Variants in TGM4 observed in about 807,000 individuals in gnomAD.
TGM4 encodes transglutaminase 4, also known as protein-glutamine gamma-glutamyltransferase 4.
A neutral mutation model predicts 76.3 loss-of-function variants in TGM4; 61 were observed. The observed-to-expected ratio is 0.80, with a 90% CI of 0.65 to 0.99. The LOEUF (loss-of-function observed/expected upper bound fraction) is 0.99. Ranked by LOEUF, TGM4 falls within the 50% of genes least tolerant of loss-of-function variation. The probability of loss-of-function intolerance (pLI) is 0.00; values close to 1 mark genes in which losing one functional copy is unlikely to be tolerated. For synonymous variants in TGM4, 337 were observed against 329.8 expected (o/e 1.02, Z -0.24); for missense variants, 794 against 843.2 (o/e 0.94, Z 0.72).
rs760284832 is a variant in TGM4, at chr3:44,901,859, G to A, written c.899G>A (p.Arg300Lys). Residue 300 changes from arginine (R) to lysine (K), a missense_variant, in exon 8 of 14, where the codon AGG becomes AAG. Coordinates refer to ENST00000296125, the MANE Select transcript of TGM4 (RefSeq NM_003241.4). ...TGFDSAHDTERNLTVDTYVNE... is the reference protein window; with the variant it reads ...TGFDSAHDTEKNLTVDTYVNE... ...TTCGATTCAGCTCACGACACAGAAA[G>A]GAACCTCACGGTGGACACCTATGTG... The A allele has an allele frequency of 1.2e-6, 2 of 1,614,216 alleles. No individual in the cohort carries two copies. The highest frequency in any genetic ancestry group is 1.7e-6 in the Non-Finnish European group (2 of 1,180,042).
intron 3 of TGM4, chr3:44,888,671 T>C (rs1489688446): frequency 6.6e-6 from 1 of 152,198 alleles, no homozygotes; most frequent in African/African-American, 2.4e-5. Context: ...TTTTTTTTAA[T>C]TGACATATAA....
chr3:44,913,986 A>C lies in TGM4; in HGVS notation c.*261A>C. On this transcript the variant is annotated 3_prime_UTR_variant, in exon 14 of 14. Transcript: ENST00000296125. ...CCCTTTCCTGAGTCATGGCCTCAAA[A>C]ATCAGGGCCACCATTGTCTCAATTC... is the stretch of plus-strand genomic sequence containing the variant. 1 of 385,234 alleles carries C rather than the reference A, an allele frequency of 2.6e-6. No homozygotes were observed. The highest frequency in any genetic ancestry group is 4.6e-5 in the South Asian group (1 of 21,794). The allele number at this position is 385,234 out of a possible 1,614,324, so 23.9% of individuals were successfully genotyped here. A position where few individuals can be genotyped will look rare whatever the true frequency, so the allele number is the denominator to read the frequency against.
At chr3:44,883,678 G>T (rs139498503) in intron 1 of TGM4, among the ~76,000 whole-genome samples, 2 of 152,310 alleles carry the variant, frequency 1.3e-5, no homozygotes, top group Non-Finnish European at 2.9e-5. Context: ...GGCCCTGTGC[G>T]CAGTGTGAAG....
intron 6 of TGM4, among the ~76,000 whole-genome samples, chr3:44,898,280 CAAAAAAAA>C (rs35054781): frequency 4.0e-5 from 4 of 98,822 alleles, no homozygotes; most frequent in African/African-American, 1.5e-4. Flanking sequence ...GACTCTGTCT[CAAAAAAAA>C]AAAAAAAAAA....
At chr3:44,895,918 A>T (rs1198650819) in intron 5 of TGM4, among the ~76,000 whole-genome samples, 1 of 152,220 alleles carries the variant, frequency 6.6e-6, no homozygotes, top group African/African-American at 2.4e-5. Flanking sequence ...TAACGTGCTT[A>T]TCACAAAAGA....
chr3:44,909,141 C>G (rs1204767974), intron 10 of TGM4, among the ~76,000 whole-genome samples: 1 of 152,234 alleles, frequency 6.6e-6, no homozygotes, highest in East Asian at 1.9e-4. Context: ...CATTAAGACT[C>G]CTAGCCTTTG....
chr3:44,885,023 C>T (rs963784388), intron 1 of TGM4, among the ~76,000 whole-genome samples: 1 of 152,210 alleles, frequency 6.6e-6, no homozygotes, highest in Non-Finnish European at 1.5e-5. Context: ...AACTCAGTTT[C>T]CTCACCTGTA....
chr3:44,878,446 T>TATTTTATTA (rs1699479520), intron 1 of TGM4, among the ~76,000 whole-genome samples: 4 of 31,990 alleles, frequency 1.3e-4, no homozygotes, highest in African/African-American at 4.5e-4. Context: ...TTATTACTTT[T>TATTTTATTA]GTTTTATTAT....
chr3:44,899,135 G>T (rs1374389033), intron 6 of TGM4: 1 of 152,212 alleles, frequency 6.6e-6, no homozygotes, highest in African/African-American at 2.4e-5. Flanking sequence ...CCCAGCCCAG[G>T]GTCTGACACG....
chr3:44,874,682 A>G lies in TGM4; in HGVS notation c.4A>G (p.Met2Val), dbSNP rs771125947. The G allele has an allele frequency of 6.2e-7, 1 of 1,614,222 alleles. No individual in the cohort carries two copies. Among genetic ancestry groups the G allele is most frequent in the South Asian group, 1.1e-5 (1 of 91,082 alleles). The stretch of plus-strand genomic sequence containing the variant: ...TTGCAGGAGAGAATCTGAAGGGATG[A>G]TGGATGCATCAAAAGGTGAGTGGGT... M[M>V]DASKELQVLH... The change falls in exon 1 of 14, where the codon ATG becomes GTG. Residue 2 changes from methionine (M) to valine (V), a missense_variant. Coordinates refer to ENST00000296125, the MANE Select transcript of TGM4 (RefSeq NM_003241.4).
Position 44,911,320 on chromosome 3 carries a change from CA to C in TGM4, c.1829del (p.Lys610ArgfsTer8). 1 of 1,614,268 alleles carries C rather than the reference CA, an allele frequency of 6.2e-7. No individual in the cohort carries two copies. Among genetic ancestry groups the C allele is most frequent in the Admixed American group, 1.7e-5 (1 of 60,034 alleles). ...GQLLVCNCIF[K>X]NTLAIPLTDV... ...AGCTACTTGTCTGCAATTGTATCTT[CA>C]AGAATACCCTGGCCATCCCTTTGAC... is the stretch of plus-strand genomic sequence containing the variant. On this transcript the variant is annotated frameshift_variant, in exon 13 of 14. Transcript: ENST00000296125. LOFTEE classifies it high-confidence loss of function.
Position 44,913,866 on chromosome 3 carries a change from C to T in TGM4, c.*141C>T. 8.6e-7 allele frequency: 1 copy of T among 1,168,158 alleles called. No homozygotes were observed. The highest frequency in any genetic ancestry group is 1.2e-6 in the Non-Finnish European group (1 of 836,030). 72.4% of individuals were successfully genotyped at this position (1,168,158 alleles called of 1,614,324 possible). A position where few individuals can be genotyped will look rare whatever the true frequency, so the allele number is the denominator to read the frequency against. On this transcript the variant is annotated 3_prime_UTR_variant, in exon 14 of 14. Transcript: ENST00000296125. ...CAGCAGGTCAAAAAGGCCAACACAA[C>T]CATAAGCAGCCAGACCCACAAGGCC...
chr3:44,904,005 A>G lies in TGM4; in HGVS notation c.1075+18A>G. On this transcript the variant is annotated intron_variant, in intron 9 of 13. Coordinates refer to ENST00000296125, the MANE Select transcript of TGM4 (RefSeq NM_003241.4). ...AAGCCAGGGTGAGTGGGTGGCAGGA[A>G]GGCGCTGGGCATCCATGCTGCTCTC... 2 of 1,607,786 alleles carry G rather than the reference A, an allele frequency of 1.2e-6. No homozygotes were observed. The highest frequency in any genetic ancestry group is 2.2e-5 in the South Asian group (2 of 90,962).
chr3:44,887,376 G>C (rs548978038), intron 2 of TGM4, among the ~76,000 whole-genome samples: 1 of 152,346 alleles, frequency 6.6e-6, no homozygotes, highest in East Asian at 1.9e-4. Flanking sequence ...AGCCAGCAGG[G>C]TTAAACAAAT....
At chr3:44,885,297 C>G in intron 1 of TGM4, 28 bp from the exon 2 acceptor site, 2 of 1,580,344 alleles carry the variant, frequency 1.3e-6, no homozygotes, top group African/African-American at 1.3e-5. Context: ...TCTGTGCTCT[C>G]TTTCCACATG....
chr3:44,876,981 T>C (rs1038414638), intron 1 of TGM4, among the ~76,000 whole-genome samples: 13 of 152,268 alleles, frequency 8.5e-5, no homozygotes, highest in African/African-American at 3.1e-4. Context: ...TGCTCAACCT[T>C]ACTTGTAACG....
chr3:44,898,921 A>G (rs1109412), intron 6 of TGM4, among the ~76,000 whole-genome samples: 65,057 of 151,856 alleles, frequency 0.43, 14,945 homozygotes, highest in East Asian at 0.86. Context: ...GATGCTGAGA[A>G]AGAACAAGTA....
chr3:44,881,035 T>C (rs976225776), intron 1 of TGM4, among the ~76,000 whole-genome samples: 4 of 152,112 alleles, frequency 2.6e-5, no homozygotes, highest in African/African-American at 7.2e-5. Context: ...CTGGGCAACA[T>C]AGTAAGACTT....
intron 2 of TGM4, among the ~76,000 whole-genome samples, chr3:44,886,241 G>T (rs550349821): frequency 2.3e-4 from 22 of 96,944 alleles, no homozygotes; most frequent in Admixed American, 6.1e-4. Flanking sequence ...CTATTCGGGA[G>T]GCTGAGGTAG....
Sources: gnomAD v4.1 joint callset for allele counts (sites outside exome capture counted in the v4.1 genomes callset) on GRCh38, gnomAD v4.1.1 for gene constraint, MANE v1.5 for transcripts, NCBI Gene and HGNC (gene_info 2026-07-23, HGNC 2026-07-21) for gene names.